The following TXLNB variants were observed in gnomAD, a reference collection of about 807,000 sequenced individuals.
The protein encoded by TXLNB is taxilin beta, also known as beta-taxilin.
TXLNB carries 37 observed loss-of-function variants against 57.4 expected under a neutral mutation model. That is an observed-to-expected ratio of 0.64 (90% CI 0.50 to 0.85). TXLNB has a LOEUF of 0.85. Ranked by LOEUF, TXLNB falls within the 40% of genes least tolerant of loss-of-function variation. TXLNB has a pLI of 0.00. For missense variants in TXLNB, 848 were observed against 825.6 expected (o/e 1.03, Z -0.33); for synonymous variants, 302 against 309.6 (o/e 0.98, Z 0.26).
chr6:139,288,378 C>T, intron 2 of TXLNB, 98 bp downstream of exon 2: 1 of 1,185,614 alleles, frequency 8.4e-7, no homozygotes, highest in Non-Finnish European at 1.2e-6. Flanking sequence ...CTACAGTCAT[C>T]CAAATATTGG....
the TXLNB span, among the ~76,000 whole-genome samples, chr6:139,319,033 G>C: frequency 4.5e-4 from 66 of 146,202 alleles, no homozygotes; most frequent in Non-Finnish European, 8.3e-4. Flanking sequence ...ACCTCAGCCT[G>C]CTGGGTTCAA....
At chr6:139,220,996 C>T in the TXLNB span, among the ~76,000 whole-genome samples, 1 of 152,158 alleles carries the variant, frequency 6.6e-6, no homozygotes. Flanking sequence ...GGTAACCCTG[C>T]ATCCAAGAAC....
chr6:139,268,198 G>A (rs1424555360), intron 4 of TXLNB, among the ~76,000 whole-genome samples: 2 of 148,402 alleles, frequency 1.3e-5, no homozygotes, highest in African/African-American at 5.0e-5. Flanking sequence ...TTTCATAAAG[G>A]TAAAATCACC....
the TXLNB span, among the ~76,000 whole-genome samples, chr6:139,192,999 C>A: frequency 6.6e-6 from 1 of 151,450 alleles, no homozygotes; most frequent in Non-Finnish European, 1.5e-5. Flanking sequence ...AACAAAAAAA[C>A]CCTACTGTTG....
At chr6:139,282,421 A>T (rs1467577300) in intron 2 of TXLNB, among the ~76,000 whole-genome samples, 1 of 144,888 alleles carries the variant, frequency 6.9e-6, no homozygotes, top group African/African-American at 2.5e-5. Flanking sequence ...TACTAAAAAT[A>T]TAAAAATTGG....
chr6:139,222,743 A>T, the TXLNB span, among the ~76,000 whole-genome samples: 6 of 152,208 alleles, frequency 3.9e-5, no homozygotes, highest in African/African-American at 1.4e-4. Context: ...GGAGGTGGAG[A>T]TCGCAGTGAG....
At chr6:139,244,465 T>C (rs751427862) in intron 9 of TXLNB, 130 bp downstream of exon 9, 1 of 666,420 alleles carries the variant, frequency 1.5e-6, no homozygotes, top group Non-Finnish European at 2.7e-6. Context: ...AAATGTCACA[T>C]CCTGCCACCC....
At chr6:139,207,118 C>T in the TXLNB span, among the ~76,000 whole-genome samples, 1 of 152,102 alleles carries the variant, frequency 6.6e-6, no homozygotes, top group Non-Finnish European at 1.5e-5. Flanking sequence ...AAACTACACC[C>T]TAGAACAAAT....
the TXLNB span, chr6:139,177,160 A>G: frequency 1.7e-5 from 12 of 723,800 alleles, no homozygotes; most frequent in Non-Finnish European, 2.4e-5. The surrounding 1 kb of genome is among the most constrained non-coding windows in gnomAD (Gnocchi z 4.9). Context: ...TTTATTACAT[A>G]TCTTTTATAG....
the TXLNB span, among the ~76,000 whole-genome samples, chr6:139,323,572 C>T: frequency 2.0e-5 from 3 of 152,134 alleles, no homozygotes; most frequent in East Asian, 1.9e-4. Context: ...CGTGAGCCAC[C>T]GCGCCCAGGC....
the TXLNB span, among the ~76,000 whole-genome samples, chr6:139,216,563 C>G: frequency 6.6e-6 from 1 of 151,954 alleles, no homozygotes; most frequent in Non-Finnish European, 1.5e-5. Flanking sequence ...CAACATGGCA[C>G]ATGTATACAT....
chr6:139,267,957 C>G (rs1239916364), intron 4 of TXLNB, among the ~76,000 whole-genome samples: 1 of 151,966 alleles, frequency 6.6e-6, no homozygotes, highest in Non-Finnish European at 1.5e-5. Flanking sequence ...TCAAGGCCAA[C>G]CTGGCCAAGA....
At chr6:139,174,698 G>A in the TXLNB span, 1 of 1,039,856 alleles carries the variant, frequency 9.6e-7, no homozygotes, top group Non-Finnish European at 1.3e-6. Flanking sequence ...ATACTATTCA[G>A]TCATTAAAAG....
chr6:139,207,342 T>C, the TXLNB span, among the ~76,000 whole-genome samples: 1 of 152,304 alleles, frequency 6.6e-6, no homozygotes, highest in Middle Eastern at 3.4e-3. Flanking sequence ...CTCAGAACTA[T>C]ACAAATACAT....
chr6:139,218,711 C>G, the TXLNB span, among the ~76,000 whole-genome samples: 2 of 152,152 alleles, frequency 1.3e-5, no homozygotes, highest in African/African-American at 4.8e-5. Flanking sequence ...GAGATTGCAC[C>G]ATTGCACTTT....
At chr6:139,209,335 G>A in the TXLNB span, among the ~76,000 whole-genome samples, 1 of 152,254 alleles carries the variant, frequency 6.6e-6, no homozygotes, top group Non-Finnish European at 1.5e-5. Context: ...GTTCATGGAT[G>A]GGTAGAATTA....
chr6:139,280,404 T>C (rs1367350734), intron 2 of TXLNB, among the ~76,000 whole-genome samples: 5 of 152,340 alleles, frequency 3.3e-5, no homozygotes, highest in East Asian at 1.9e-4. Flanking sequence ...TGACAACTTA[T>C]GCAGATTTAA....
intron 2 of TXLNB, among the ~76,000 whole-genome samples, chr6:139,288,105 A>G (rs1236659813): frequency 6.6e-6 from 1 of 152,254 alleles, no homozygotes; most frequent in East Asian, 1.9e-4. Context: ...GCTATTAGGC[A>G]GTAGTGGTGG....
the TXLNB span, among the ~76,000 whole-genome samples, chr6:139,300,964 C>A: frequency 6.6e-6 from 1 of 152,234 alleles, no homozygotes; most frequent in East Asian, 1.9e-4. Flanking sequence ...GGAAGCACCA[C>A]ATCTCTTCTA....
Sources: allele counts gnomAD v4.1 joint callset (sites outside exome capture counted in the v4.1 genomes callset), GRCh38; gene constraint gnomAD v4.1.1; non-coding constraint Gnocchi (gnomAD v3.1); transcripts MANE v1.5; gene names NCBI Gene and HGNC (gene_info 2026-07-23, HGNC 2026-07-21).